The following PLPPR5 variants were observed in gnomAD, a reference collection of about 807,000 sequenced individuals.
PLPPR5 encodes phospholipid phosphatase-related protein type 5.
PLPPR5 carries 16 observed loss-of-function variants against 33.9 expected under a neutral mutation model. The observed-to-expected ratio is 0.47, with a 90% CI of 0.32 to 0.72. The LOEUF (loss-of-function observed/expected upper bound fraction) is 0.72. PLPPR5 is among the 30% of genes least tolerant of loss of function. PLPPR5 has a pLI of 0.03. For synonymous variants in PLPPR5, 163 were observed against 150.3 expected, an observed-to-expected ratio of 1.08 and a Z score of -0.62; for missense variants, 301 against 406.7, an observed-to-expected ratio of 0.74 and a Z score of 2.23.
intron 1 of PLPPR5, among the ~76,000 whole-genome samples, chr1:98,993,283 C>T (rs1218495599): frequency 2.0e-5 from 3 of 152,162 alleles, no homozygotes; most frequent in South Asian, 4.1e-4. Context: ...CTCTTTCACA[C>T]TGGATTCACG....
At chr1:98,922,184 C>A in intron 3 of PLPPR5, 126 bp from the exon 4 acceptor site, 2 of 882,674 alleles carry the variant, frequency 2.3e-6, no homozygotes, top group Non-Finnish European at 1.6e-6. Flanking sequence ...AAATCATTAA[C>A]TGGAGTTTAT....
chr1:98,967,138 G>A (rs1375107464), intron 1 of PLPPR5, among the ~76,000 whole-genome samples: 2 of 152,106 alleles, frequency 1.3e-5, no homozygotes, highest in African/African-American at 2.4e-5. Context: ...TGTGCAAAGA[G>A]CTATTCTAGG....
intron 1 of PLPPR5, among the ~76,000 whole-genome samples, chr1:98,963,546 C>T (rs940116508): frequency 6.6e-6 from 1 of 152,138 alleles, no homozygotes; most frequent in African/African-American, 2.4e-5. Flanking sequence ...AGAGATTGAA[C>T]ATGCCTGAGT....
intron 5 of PLPPR5, among the ~76,000 whole-genome samples, chr1:98,913,238 T>A (rs1305218388): frequency 2.0e-5 from 3 of 152,222 alleles, no homozygotes; most frequent in Non-Finnish European, 2.9e-5. Context: ...TCATAATCCA[T>A]GATGTTGAGT....
At chr1:98,996,356 G>C (rs985712627) in intron 1 of PLPPR5, among the ~76,000 whole-genome samples, 9 of 151,916 alleles carry the variant, frequency 5.9e-5, no homozygotes, top group Non-Finnish European at 1.3e-4. Context: ...ATTATCTACA[G>C]AGTTTCAAAT....
chr1:98,998,704 G>A (rs981996623), intron 1 of PLPPR5, among the ~76,000 whole-genome samples: 15 of 152,176 alleles, frequency 9.9e-5, no homozygotes, highest in South Asian at 2.1e-4. Context: ...TTGCCATCAC[G>A]GGACTCCAGA....
chr1:98,909,043 T>C (rs546946939), intron 5 of PLPPR5, among the ~76,000 whole-genome samples: 25 of 151,778 alleles, frequency 1.6e-4, no homozygotes, highest in Non-Finnish European at 3.1e-4. Context: ...AATATAGTAT[T>C]TCATTGTAGA....
chr1:98,938,860 C>A (rs1650275661), intron 3 of PLPPR5, among the ~76,000 whole-genome samples: 2 of 152,090 alleles, frequency 1.3e-5, no homozygotes, highest in African/African-American at 4.8e-5. Context: ...TTATCCTTAG[C>A]AAACTCATGC....
chr1:98,915,451 T>C (rs1287724766), intron 4 of PLPPR5, among the ~76,000 whole-genome samples: 2 of 152,096 alleles, frequency 1.3e-5, no homozygotes, highest in Non-Finnish European at 2.9e-5. Flanking sequence ...AATCCAACAA[T>C]AGCTTACTGG....
At chr1:98,915,402 T>C (rs1399799005) in intron 4 of PLPPR5, among the ~76,000 whole-genome samples, 2 of 152,136 alleles carry the variant, frequency 1.3e-5, no homozygotes, top group Non-Finnish European at 2.9e-5. Context: ...TTAATTAACC[T>C]AGCTTATCGT....
At chr1:99,001,567 T>G (rs2100769747) in intron 1 of PLPPR5, among the ~76,000 whole-genome samples, 1 of 151,246 alleles carries the variant, frequency 6.6e-6, no homozygotes, top group East Asian at 1.9e-4. Flanking sequence ...AATTTTTACA[T>G]AAATGAATTT....
chr1:99,000,858 A>G (rs1278489153), intron 1 of PLPPR5, among the ~76,000 whole-genome samples: 3 of 152,212 alleles, frequency 2.0e-5, no homozygotes, highest in Non-Finnish European at 4.4e-5. Context: ...ATCAGTTACT[A>G]TGGTTTACTT....
intron 1 of PLPPR5, among the ~76,000 whole-genome samples, chr1:98,988,421 G>C (rs1357792211): frequency 1.3e-5 from 2 of 152,016 alleles, no homozygotes; most frequent in Non-Finnish European, 2.9e-5. Context: ...TACTATACCT[G>C]TTATTAGGTT....
chr1:98,893,895 A>G (rs866265750), intron 5 of PLPPR5, among the ~76,000 whole-genome samples: 2 of 151,970 alleles, frequency 1.3e-5, no homozygotes, highest in African/African-American at 4.8e-5. Flanking sequence ...TAGTTTTTGT[A>G]TGGCATTTGC....
chr1:98,953,264 C>T lies in PLPPR5; in HGVS notation c.427G>A (p.Val143Ile). The change falls in exon 3 of 6, where the codon GTC (valine) becomes ATC (isoleucine). Residue 143 changes from valine to isoleucine, a missense_variant. Physicochemically the swap from Val to Ile is conservative, Grantham distance 29. Coordinates refer to ENST00000263177, the MANE Select transcript of PLPPR5 (RefSeq NM_001037317.2). ...AAATGTGGGGCCAGATTTCCTGTGA[C>T]TACTTGTCCAGCATTTACAAAGATA... is the stretch of plus-strand genomic sequence containing the variant. ...TDIFVNAGQV[V>I]TGNLAPHFLA... The T allele has an allele frequency of 6.2e-7, 1 of 1,613,914 alleles. No individual in the cohort carries two copies. Among genetic ancestry groups the T allele is most frequent in the East Asian group, 2.2e-5 (1 of 44,856 alleles).
At chr1:98,975,482 C>T (rs1453355376) in intron 1 of PLPPR5, among the ~76,000 whole-genome samples, 1 of 151,986 alleles carries the variant, frequency 6.6e-6, no homozygotes, top group East Asian at 1.9e-4. Flanking sequence ...GAGGTTTCAG[C>T]GGAATATTTG....
intron 5 of PLPPR5, among the ~76,000 whole-genome samples, chr1:98,902,422 G>A (rs772952864): frequency 2.6e-5 from 4 of 151,648 alleles, no homozygotes; most frequent in Admixed American, 6.6e-5. Flanking sequence ...TTCGTTTTTT[G>A]TTTTGCTTAT....
intron 5 of PLPPR5, among the ~76,000 whole-genome samples, chr1:98,914,194 A>G (rs1163540555): frequency 6.6e-6 from 1 of 152,254 alleles, no homozygotes; most frequent in Non-Finnish European, 1.5e-5. Context: ...GTGTGAGACC[A>G]GTACACAATG....
At chr1:98,984,309 G>T (rs752922488) in intron 1 of PLPPR5, among the ~76,000 whole-genome samples, 2 of 151,966 alleles carry the variant, frequency 1.3e-5, no homozygotes, top group African/African-American at 4.8e-5. Flanking sequence ...TCTTATATTT[G>T]TTCTAAGGGA....
Sources: allele counts gnomAD v4.1 joint callset (sites outside exome capture counted in the v4.1 genomes callset), GRCh38; gene constraint gnomAD v4.1.1; transcripts MANE v1.5; gene names NCBI Gene and HGNC (gene_info 2026-07-23, HGNC 2026-07-21).